The following TM9SF4 variants were observed in gnomAD, a reference collection of about 807,000 sequenced individuals.
The protein encoded by TM9SF4 is transmembrane 9 superfamily member 4.
In TM9SF4, 26 loss-of-function variants were observed where a neutral mutation model predicts 90.4. The observed-to-expected ratio is 0.29, with a 90% confidence interval of 0.21 to 0.40. The LOEUF (loss-of-function observed/expected upper bound fraction) is 0.40, where lower values mean the gene tolerates loss of function less well. Among genes scored for constraint, TM9SF4 ranks in the 10% least tolerant of loss-of-function variants. TM9SF4 has a pLI of 1.00. For missense variants in TM9SF4, 549 were observed against 834.8 expected (o/e 0.66, Z 4.22); for synonymous variants, 293 against 315.4 (o/e 0.93, Z 0.75).
intron 1 of TM9SF4, among the ~76,000 whole-genome samples, chr20:32,128,595 CA>C (rs2046457166): frequency 6.6e-6 from 1 of 152,168 alleles, no homozygotes; most frequent in African/African-American, 2.4e-5. Context: ...CCCTACCCTT[CA>C]GAGCCTCCAA....
At chr20:32,162,826 G>A (rs1412200765) in intron 17 of TM9SF4, among the ~76,000 whole-genome samples, 4 of 151,872 alleles carry the variant, frequency 2.6e-5, no homozygotes, top group African/African-American at 9.7e-5. Context: ...ACTCTCATAA[G>A]TGGCAAGTGA....
At chr20:32,137,035 G>T in intron 3 of TM9SF4, 2 of 461,174 alleles carry the variant, frequency 4.3e-6, no homozygotes, top group Non-Finnish European at 8.8e-6. Flanking sequence ...GCAGGCCTTG[G>T]AGCCAGTTTA....
Position 32,136,087 on chromosome 20 carries a change from C to G in TM9SF4, c.143C>G (p.Thr48Ser). The G allele has an allele frequency of 6.2e-7, 1 of 1,614,150 alleles. No individual in the cohort carries two copies. The highest frequency in any genetic ancestry group is 8.5e-7 in the Non-Finnish European group (1 of 1,180,014). Reference protein sequence around the residue: ...DPVEIKAVKLTSSRTQLPYEY... With the variant: ...DPVEIKAVKLSSSRTQLPYEY... ...GATTCCCATCAGGCTGTGAAGCTCA[C>G]CAGCTCTCGAACCCAGCTACCTTAT... Residue 48 changes from threonine (T) to serine (S), a missense_variant, in exon 3 of 18, where the codon ACC becomes AGC. Thr to Ser is a moderately conservative substitution (Grantham distance 58, BLOSUM62 1). This residue lies in a region of TM9SF4 where 495 missense variants were observed against 711.7 expected (regional missense o/e 0.70). Transcript: ENST00000398022.
In TM9SF4 at chr20:32,119,502, C is replaced by T. The variant is rs772401236; in HGVS notation, c.15+9747C>T. ...TTCTTTGGTGAATTTCTGTACAAAT[C>T]TCTTGTCCATTTTTAAATCGGATTG... On this transcript the variant is annotated intron_variant, in intron 1 of 17. Coordinates refer to ENST00000398022, the MANE Select transcript of TM9SF4 (RefSeq NM_014742.4). Among the ~76,000 whole-genome samples the T allele has an allele frequency of 1.3e-4, 19 of 151,752 alleles. 1 individual carries two copies. Among genetic ancestry groups the T allele is most frequent in the Admixed American group, 9.2e-4 (14 of 15,204 alleles).
At chr20:32,113,068 G>A (rs2046169941) in intron 1 of TM9SF4, among the ~76,000 whole-genome samples, 1 of 152,148 alleles carries the variant, frequency 6.6e-6, no homozygotes. Context: ...AGGGGGTGCG[G>A]TAGACCTACT....
chr20:32,110,111 C>T, intron 1 of TM9SF4: 2 of 1,125,522 alleles, frequency 1.8e-6, no homozygotes, highest in South Asian at 2.3e-5. Flanking sequence ...TATTCTCATC[C>T]TTGCTCCTCC....
At chr20:32,126,543 A>G (rs1292552240) in intron 1 of TM9SF4, among the ~76,000 whole-genome samples, 2 of 151,986 alleles carry the variant, frequency 1.3e-5, no homozygotes, top group African/African-American at 4.8e-5. Flanking sequence ...TGCTGCTCCC[A>G]TGTACTCCCC....
rs1389218583 is a variant in TM9SF4, at chr20:32,161,413, G to A, written c.1779+48G>A. The A allele has an allele frequency of 3.8e-6, 6 of 1,571,312 alleles. No homozygotes were observed. The African/African-American group carries it at 4.1e-5, about 11-fold the overall frequency. The stretch of plus-strand genomic sequence containing the variant: ...CCTCTTAGTCCTCATAGGGTAGGAA[G>A]GTCAGGAGGAGGATGCTGGGAGAAA... On this transcript the variant is annotated intron_variant, in intron 17 of 17. Transcript: ENST00000398022.
chr20:32,158,984 A>C (rs952519353), intron 15 of TM9SF4, among the ~76,000 whole-genome samples: 13 of 151,708 alleles, frequency 8.6e-5, no homozygotes. Context: ...TCCATCTAAA[A>C]AAAAAAAAAA....
At chr20:32,149,216 CT>C (rs1195880036) in intron 9 of TM9SF4, among the ~76,000 whole-genome samples, 3 of 152,082 alleles carry the variant, frequency 2.0e-5, no homozygotes, top group African/African-American at 7.2e-5. Context: ...ACATGTATTA[CT>C]TTTTGTTCAT....
rs766230095 is a variant in TM9SF4 at position 32,157,798 on chromosome 20, C to T, written c.1334C>T (p.Pro445Leu). The T allele has an allele frequency of 6.2e-7, 1 of 1,614,164 alleles. No individual in the cohort carries two copies. The highest frequency in any genetic ancestry group is 1.1e-5 in the South Asian group (1 of 91,084). The change falls in exon 14 of 18, where the codon CCC becomes CTC. Residue 445 changes from proline to leucine, a missense_variant. By Grantham distance (98) the Pro-to-Leu change is moderately conservative. Transcript: ENST00000398022. ...CTCATGGTGCCATGTCTACAGGTGC[C>T]CTTTCCCACCATGGTGGCTCTGCTG... is the stretch of plus-strand genomic sequence containing the variant. ...IWGKHSSGAV[P>L]FPTMVALLCM...
intron 3 of TM9SF4, among the ~76,000 whole-genome samples, chr20:32,140,461 G>A (rs1345189854): frequency 6.6e-6 from 1 of 152,174 alleles, no homozygotes; most frequent in Non-Finnish European, 1.5e-5. Context: ...TAACAGTAAC[G>A]AGCTCATAGT....
At chr20:32,146,425 A>G (rs922324173) in intron 8 of TM9SF4, among the ~76,000 whole-genome samples, 1 of 152,210 alleles carries the variant, frequency 6.6e-6, no homozygotes, top group East Asian at 1.9e-4. Flanking sequence ...TAGTGAGGCC[A>G]GGAGCCAACT....
rs1465371930 is a variant in TM9SF4 at position 32,109,951 on chromosome 20, C to T, written c.15+196C>T. The T allele has an allele frequency of 7.8e-6, 11 of 1,414,984 alleles. No individual in the cohort carries two copies. The East Asian group carries it at 2.8e-4, about 36-fold the overall frequency. 87.7% of individuals were successfully genotyped at this position (1,414,984 alleles called of 1,614,324 possible). A position where few individuals can be genotyped will look rare whatever the true frequency, so the allele number is the denominator to read the frequency against. The stretch of plus-strand genomic sequence containing the variant: ...GCCCCTGCACTCAGGCTTGTGAAGG[C>T]CCCGAGTTTTGGGGGAGGCGCCGTT... On this transcript the variant is annotated intron_variant, in intron 1 of 17. Coordinates refer to ENST00000398022, the MANE Select transcript of TM9SF4 (RefSeq NM_014742.4).
rs6087824 is a variant in TM9SF4, at chr20:32,153,102, C to A, written c.1246-2001C>A. ...GTGGGGCCTAAGGTTCTGGAATGGC[C>A]TAGATCCCAGTCTGGCTCTGCATTG... is the stretch of plus-strand genomic sequence containing the variant. On this transcript the variant is annotated intron_variant, in intron 12 of 17. Transcript: ENST00000398022. Among the ~76,000 whole-genome samples, 5 of 152,292 alleles carry A rather than the reference C, an allele frequency of 3.3e-5. No individual in the cohort carries two copies. The East Asian group carries it at 9.6e-4, about 29-fold the overall frequency.
At chr20:32,137,404 C>T (rs2046610219) in intron 3 of TM9SF4, among the ~76,000 whole-genome samples, 1 of 152,226 alleles carries the variant, frequency 6.6e-6, no homozygotes, top group South Asian at 2.1e-4. Context: ...TTAGTATGAT[C>T]CTGGGTGACC....
chr20:32,132,639 G>A (rs1353798122), intron 1 of TM9SF4, among the ~76,000 whole-genome samples: 1 of 152,212 alleles, frequency 6.6e-6, no homozygotes, highest in African/African-American at 2.4e-5. Context: ...TGAACTAGTT[G>A]CTATACAGAG....
At chr20:32,150,119 A>G (rs975186646) in intron 10 of TM9SF4, among the ~76,000 whole-genome samples, 1 of 152,202 alleles carries the variant, frequency 6.6e-6, no homozygotes, top group African/African-American at 2.4e-5. Context: ...TTTCTTTAAC[A>G]AAAACCCCAC....
chr20:32,164,456 G>A (rs1315579236), intron 17 of TM9SF4, among the ~76,000 whole-genome samples: 2 of 152,180 alleles, frequency 1.3e-5, no homozygotes, highest in Non-Finnish European at 2.9e-5. Context: ...AGGCTGTAGT[G>A]AGCTGTGATC....
Sources: gnomAD v4.1 joint callset for allele counts (sites outside exome capture counted in the v4.1 genomes callset) on GRCh38, gnomAD v4.1.1 for gene constraint, gnomAD v4.1.1 regional missense constraint, MANE v1.5 for transcripts, NCBI Gene and HGNC (gene_info 2026-07-23, HGNC 2026-07-21) for gene names.